Variants in MACROD2 observed in about 807,000 individuals in gnomAD.
MACROD2 encodes mono-ADP ribosylhydrolase 2.
A neutral mutation model predicts 70.4 loss-of-function variants in MACROD2; 36 were observed. The observed-to-expected ratio is 0.51, with a 90% CI of 0.39 to 0.68. MACROD2 has a LOEUF of 0.68. MACROD2 is among the 30% of genes least tolerant of loss of function. MACROD2 has a pLI of 0.00. For missense variants in MACROD2, 496 were observed against 538.4 expected (o/e 0.92, Z 0.78); for synonymous variants, 172 against 178.8 (o/e 0.96, Z 0.30).
At chr20:15,717,893 A>G (rs369293794) in intron 8 of MACROD2, among the ~76,000 whole-genome samples, 7 of 152,296 alleles carry the variant, frequency 4.6e-5, no homozygotes, top group East Asian at 3.9e-4. Flanking sequence ...GGCATGGAAA[A>G]TGGGATCAGC....
In MACROD2 at chr20:15,764,424, G is replaced by A. The variant is rs182562342; in HGVS notation, c.646-98321G>A. 5.9e-5 allele frequency among the ~76,000 whole-genome samples: 9 copies of A among 152,202 alleles called. No homozygotes were observed. In the East Asian group the frequency reaches 1.7e-3, roughly 29 times the overall value. ...TCTAATAGGCATCTTAAAATTAACTGTCTAAAAGGAACTCTTGACTCCTTC... is the reference window on the plus strand; with the variant it reads ...TCTAATAGGCATCTTAAAATTAACTATCTAAAAGGAACTCTTGACTCCTTC... On this transcript the variant is annotated intron_variant, in intron 8 of 17. Coordinates refer to ENST00000684519, the MANE Select transcript of MACROD2 (RefSeq NM_001351661.2).
At chr20:15,759,291 A>G (rs2051400106) in intron 8 of MACROD2, among the ~76,000 whole-genome samples, 1 of 152,152 alleles carries the variant, frequency 6.6e-6, no homozygotes, top group Non-Finnish European at 1.5e-5. Flanking sequence ...CATGCCAAAA[A>G]AGAAAAAAGA....
At chr20:14,691,121 T>C (rs145081962) in intron 5 of MACROD2, among the ~76,000 whole-genome samples, 136 of 152,294 alleles carry the variant, frequency 8.9e-4, no homozygotes, top group Non-Finnish European at 1.4e-3. Context: ...TTTCGCCATG[T>C]TGGCCAGGCT....
intron 6 of MACROD2, among the ~76,000 whole-genome samples, chr20:15,268,846 A>G (rs925846153): frequency 1.3e-5 from 2 of 152,158 alleles, no homozygotes; most frequent in Admixed American, 6.6e-5. Flanking sequence ...TCATGGCTGC[A>G]GTCTCCACCC....
intron 3 of MACROD2, chr20:14,127,344 G>T (rs2054664287): frequency 2.9e-6 from 1 of 340,422 alleles, no homozygotes; most frequent in Non-Finnish European, 5.5e-6. Context: ...ATAGTGTGCA[G>T]GTAGCTGTCC....
intron 4 of MACROD2, among the ~76,000 whole-genome samples, chr20:14,571,353 C>A (rs1361601243): frequency 6.6e-6 from 1 of 151,908 alleles, no homozygotes; most frequent in African/African-American, 2.4e-5. Context: ...TACTGCTTAG[C>A]CAGTAGGTAT....
intron 3 of MACROD2, among the ~76,000 whole-genome samples, chr20:14,125,589 C>T (rs1256522222): frequency 1.3e-5 from 2 of 152,008 alleles, no homozygotes; most frequent in African/African-American, 4.8e-5. Flanking sequence ...GTGTTTTTTC[C>T]AGTGTGTAAT....
rs569993714 is a variant in MACROD2, at chr20:15,305,284, G to A, written c.540+75223G>A. 7.1e-4 allele frequency among the ~76,000 whole-genome samples: 108 copies of A among 151,572 alleles called. 1 individual carries two copies. The highest frequency in any genetic ancestry group is 6.8e-3 in the Middle Eastern group (2 of 294). ...TAAGATATTTTCTCCATGAAACAGC[G>A]CACCTATTGAACATATTTACATTGT... is the stretch of plus-strand genomic sequence containing the variant. On this transcript the variant is annotated intron_variant, in intron 6 of 17. Coordinates refer to ENST00000684519, the MANE Select transcript of MACROD2 (RefSeq NM_001351661.2).
intron 6 of MACROD2, among the ~76,000 whole-genome samples, chr20:15,295,289 G>A (rs1200357875): frequency 6.6e-6 from 1 of 152,094 alleles, no homozygotes; most frequent in Non-Finnish European, 1.5e-5. Context: ...CCAGTCTCGG[G>A]TATTTCTTCA....
At chr20:15,951,306 G>GAGACACAC (rs143796229) in intron 12 of MACROD2, among the ~76,000 whole-genome samples, 6 of 135,534 alleles carry the variant, frequency 4.4e-5, no homozygotes, top group African/African-American at 1.6e-4. Flanking sequence ...TATTTATCTA[G>GAGACACAC]ACACACACAC....
chr20:15,054,637 T>C (rs1439271197), intron 5 of MACROD2, among the ~76,000 whole-genome samples: 1 of 152,170 alleles, frequency 6.6e-6, no homozygotes, highest in Admixed American at 6.5e-5. Context: ...ATTGTGGTGG[T>C]CTGGAATTGA....
chr20:14,149,967 T>C (rs1268973343), intron 3 of MACROD2, among the ~76,000 whole-genome samples: 1 of 152,190 alleles, frequency 6.6e-6, no homozygotes, highest in Non-Finnish European at 1.5e-5. Context: ...TGTATTTCTG[T>C]ATTAAGACAT....
chr20:14,569,570 C>A (rs1042968292), intron 4 of MACROD2, among the ~76,000 whole-genome samples: 3 of 151,880 alleles, frequency 2.0e-5, no homozygotes, highest in Non-Finnish European at 4.4e-5. Context: ...TAGGTCCCCC[C>A]ACCTTTTTTT....
chr20:14,078,249 C>T (rs754385735), intron 2 of MACROD2, among the ~76,000 whole-genome samples: 1 of 151,916 alleles, frequency 6.6e-6, no homozygotes, highest in Non-Finnish European at 1.5e-5. Context: ...AAATTCTGTG[C>T]CTTATCAAAA....
intron 3 of MACROD2, among the ~76,000 whole-genome samples, chr20:14,433,038 C>G (rs1389814979): frequency 1.3e-5 from 2 of 152,204 alleles, no homozygotes; most frequent in Admixed American, 6.5e-5. Context: ...GGGCCAAGCT[C>G]TTTACACGTG....
At chr20:15,604,182 C>G (rs1205756588) in intron 8 of MACROD2, among the ~76,000 whole-genome samples, 1 of 152,138 alleles carries the variant, frequency 6.6e-6, no homozygotes, top group Non-Finnish European at 1.5e-5. Flanking sequence ...GGAAATGGCC[C>G]AAACCAGAGA....
chr20:15,475,596 G>A (rs1223254638), intron 7 of MACROD2, among the ~76,000 whole-genome samples: 1 of 152,192 alleles, frequency 6.6e-6, no homozygotes, highest in East Asian at 1.9e-4. Flanking sequence ...TCCCCATGCT[G>A]CAGCAGCCAC....
intron 8 of MACROD2, among the ~76,000 whole-genome samples, chr20:15,594,247 CCTTTA>C (rs2048716244): frequency 6.6e-6 from 1 of 151,302 alleles, no homozygotes; most frequent in Non-Finnish European, 1.5e-5. Context: ...TTCTTTTTTC[CCTTTA>C]CTTTGCTTAG....
rs918848552 is a variant in MACROD2, at chr20:14,792,175, C to G, written c.418+107216C>G. Among the ~76,000 whole-genome samples, 4 of 152,068 alleles carry G rather than the reference C, an allele frequency of 2.6e-5. No individual in the cohort carries two copies. The East Asian group carries it at 7.7e-4, about 29-fold the overall frequency. ...GTTTGTTATCATGGAATGGCGGCCA[C>G]TGTTTCTCTTTTTATGCAATCCATT... On this transcript the variant is annotated intron_variant, in intron 5 of 17. Transcript: ENST00000684519.
Sources: gnomAD v4.1 joint callset for allele counts (sites outside exome capture counted in the v4.1 genomes callset) on GRCh38, gnomAD v4.1.1 for gene constraint, MANE v1.5 for transcripts, NCBI Gene and HGNC (gene_info 2026-07-23, HGNC 2026-07-21) for gene names.